The following POLR1A variants were observed in gnomAD, a reference collection of about 807,000 sequenced individuals.
The protein encoded by POLR1A is RNA polymerase I subunit A.
Under a neutral mutation model 205.3 loss-of-function variants are expected in POLR1A, and 84 were observed. The ratio of observed to expected loss-of-function variants is 0.41; its 90% CI spans 0.34 to 0.49. The LOEUF is 0.49. Ranked by LOEUF, POLR1A falls within the 20% of genes least tolerant of loss-of-function variation. The pLI is 0.22. For missense variants in POLR1A, 1,645 were observed against 2,204.5 expected (o/e 0.75, Z 5.08); for synonymous variants, 799 against 863.7 (o/e 0.93, Z 1.31).
In POLR1A at chr2:86,028,369, C is replaced by G. The variant is rs562474036; in HGVS notation, c.4897+225G>C. Among the ~76,000 whole-genome samples, 292 of 152,326 alleles carry G rather than the reference C, an allele frequency of 1.9e-3. 2 individuals carry two copies. The highest frequency in any genetic ancestry group is 6.8e-3 in the African/African-American group (284 of 41,574). ...TCAATCAGGAGCTTTCTCTAAGGCA[C>G]CAGCAGATGAGACACCACTGAAGCG... is the stretch of plus-strand genomic sequence containing the variant. On this transcript the variant is annotated intron_variant, in intron 32 of 33. Coordinates refer to ENST00000263857, the MANE Select transcript of POLR1A (RefSeq NM_015425.6). The surrounding 1 kb of genome is among the most constrained non-coding windows in gnomAD (Gnocchi z 4.5).
At chr2:86,056,429 GT>G (rs1461577612) in intron 14 of POLR1A, among the ~76,000 whole-genome samples, 1 of 151,766 alleles carries the variant, frequency 6.6e-6, no homozygotes, top group African/African-American at 2.4e-5. Context: ...TCCAGCCTGG[GT>G]GACAGAGCGA....
intron 31 of POLR1A, 47 bp downstream of exon 31, chr2:86,030,149 G>T: frequency 6.7e-7 from 1 of 1,491,946 alleles, no homozygotes; most frequent in Non-Finnish European, 9.4e-7. Context: ...GACAACGTGG[G>T]GTGAGGACTA....
intron 1 of POLR1A, among the ~76,000 whole-genome samples, chr2:86,100,966 TGG>T (rs772966939): frequency 4.6e-5 from 7 of 152,136 alleles, no homozygotes; most frequent in Non-Finnish European, 8.8e-5. Flanking sequence ...AAACAGAATG[TGG>T]GGGAGGCAGG....
chr2:86,041,793 C>G, intron 24 of POLR1A, 96 bp downstream of exon 24: 2 of 1,059,416 alleles, frequency 1.9e-6, no homozygotes, highest in Non-Finnish European at 1.4e-6. Flanking sequence ...ACCCAGGAGG[C>G]AGCCCTCTTC....
rs974750094 is a variant in POLR1A, at chr2:86,049,164, G to A, written c.2471C>T (p.Pro824Leu). 6.2e-7 allele frequency: 1 copy of A among 1,613,356 alleles called. No individual in the cohort carries two copies. The highest frequency in any genetic ancestry group is 1.3e-5 in the African/African-American group (1 of 75,024). Residue 824 changes from proline to leucine, a missense_variant, in exon 17 of 34, where the codon CCC becomes CTC. Around this residue, in one of 16 missense-constraint regions of POLR1A, gnomAD observed 339 missense variants for 415.1 expected, o/e 0.82. Transcript: ENST00000263857. ...RIIEESTHCG[P>L]QAVRAALNLP... is the part of the protein sequence containing the mutation. ...GGCCTCGAAGTCCCTCCTTACCTGG[G>A]GCCCGCAGTGGGTGGATTCTTCAAT...
intron 14 of POLR1A, among the ~76,000 whole-genome samples, chr2:86,060,122 T>C (rs1160844373): frequency 1.3e-5 from 2 of 152,198 alleles, no homozygotes; most frequent in Non-Finnish European, 2.9e-5. Flanking sequence ...ACCATAGCAG[T>C]ATCCAGGAGT....
rs1183679168 is a variant in POLR1A at position 86,070,147 on chromosome 2, A to G, written c.1737T>C (p.Tyr579=). The G allele has an allele frequency of 6.2e-6, 10 of 1,614,232 alleles. No individual in the cohort carries two copies. Among genetic ancestry groups the G allele is most frequent in the East Asian group, 2.2e-5 (1 of 44,884 alleles). ...CGGCATTATAGGCCTTGCAGTTGGCATAGTGGAGCCGCAGCACTTTCTCTT... is the reference window on the plus strand; with the variant it reads ...CGGCATTATAGGCCTTGCAGTTGGCGTAGTGGAGCCGCAGCACTTTCTCTT... The part of the protein sequence containing the change: ...LPEEKVLRLH[Y]ANCKAYNADF... The change falls in exon 13 of 34, where the codon TAT becomes TAC. Residue 579 remains tyrosine, a synonymous_variant. Transcript: ENST00000263857. This position sits in a 1 kb window ranked among gnomAD's most constrained non-coding sequence, Gnocchi z 4.4.
rs1240487579 is a variant in POLR1A, at chr2:86,075,222, G to T, written c.1419C>A (p.Thr473=). Residue 473 remains threonine, a synonymous_variant, in exon 12 of 34, where the codon ACC becomes ACA. Coordinates refer to ENST00000263857, the MANE Select transcript of POLR1A (RefSeq NM_015425.6). The stretch of plus-strand genomic sequence containing the variant: ...GCCTAAGTTCCTGAACATTCCATGG[G>T]GTAACTGGCTGTGGGTAGGTCAGTT... ...ATKLTYPQPV[T]PWNVQELRQA... is the part of the protein sequence containing the mutation. 1 of 1,611,528 alleles carries T rather than the reference G, an allele frequency of 6.2e-7. No individual in the cohort carries two copies. Among genetic ancestry groups the T allele is most frequent in the Non-Finnish European group, 8.5e-7 (1 of 1,178,668 alleles).
In POLR1A at chr2:86,105,867, A is replaced by G. The variant is rs1174985832; in HGVS notation, c.-91T>C. The G allele has an allele frequency of 5.1e-6, 6 of 1,168,166 alleles. No homozygotes were observed. In the African/African-American group the frequency reaches 7.6e-5, roughly 15 times the overall value. The allele number at this position is 1,168,166 out of a possible 1,614,324, so 72.4% of individuals were successfully genotyped here. ...ATTCAACCTCAAGCCCGGAGTCACC[A>G]CGCGATTCAACGTGCGCTTGCGCGC... is the stretch of plus-strand genomic sequence containing the variant. On this transcript the variant is annotated 5_prime_UTR_variant, in exon 1 of 34. Transcript: ENST00000263857.
At chr2:86,080,050 C>T (rs1247682190) in intron 9 of POLR1A, among the ~76,000 whole-genome samples, 3 of 152,172 alleles carry the variant, frequency 2.0e-5, no homozygotes, top group African/African-American at 2.4e-5. Context: ...GTGTAACCTG[C>T]ACCATAAGTG....
At chr2:86,043,673 A>G (rs1672658243) in intron 22 of POLR1A, among the ~76,000 whole-genome samples, 2 of 152,232 alleles carry the variant, frequency 1.3e-5, no homozygotes, top group South Asian at 4.1e-4. Flanking sequence ...GGTCACTACA[A>G]GGGCATTAAG....
Position 86,075,182 on chromosome 2 carries a change from C to A in POLR1A, c.1459G>T (p.Gly487Cys). 1 of 1,613,318 alleles carries A rather than the reference C, an allele frequency of 6.2e-7. No individual in the cohort carries two copies. The highest frequency in any genetic ancestry group is 8.5e-7 in the Non-Finnish European group (1 of 1,179,702). The change falls in exon 12 of 34, where the codon GGC (glycine) becomes TGC (cysteine). Residue 487 changes from glycine to cysteine, a missense_variant. Coordinates refer to ENST00000263857, the MANE Select transcript of POLR1A (RefSeq NM_015425.6). ...VQELRQAVIN[G>C]PNVHPGASMV... is the part of the protein sequence containing the mutation. ...GAGGCTCCTGGGTGCACATTAGGGC[C>A]GTTGATGACCGCTTGCCTAAGTTCC... is the stretch of plus-strand genomic sequence containing the variant.
At chr2:86,061,434 T>C (rs568245135) in intron 14 of POLR1A, among the ~76,000 whole-genome samples, 10 of 152,284 alleles carry the variant, frequency 6.6e-5, no homozygotes, top group African/African-American at 2.4e-4. Flanking sequence ...TAGAAGTGTG[T>C]ATTATTACAA....
intron 21 of POLR1A, 92 bp from the exon 22 acceptor site, chr2:86,044,396 A>AG (rs1190900626): frequency 4.4e-6 from 6 of 1,378,474 alleles, no homozygotes; most frequent in Admixed American, 1.8e-5. Flanking sequence ...GGGGAGGGAA[A>AG]GGGGGGCTCC....
chr2:86,091,496 G>A (rs1037470324), intron 3 of POLR1A, among the ~76,000 whole-genome samples: 1 of 152,148 alleles, frequency 6.6e-6, no homozygotes, highest in African/African-American at 2.4e-5. Context: ...GGAAAGGAGG[G>A]AGGGTTTTTG....
rs1467729081 is a variant in POLR1A, at chr2:86,021,751, A to G, written c.*5672T>C. On this transcript the variant is annotated 3_prime_UTR_variant, in exon 34 of 34. Coordinates refer to ENST00000263857, the MANE Select transcript of POLR1A (RefSeq NM_015425.6). ...CACAGTGGAGATCAAGGTTGGATGG[A>G]TGCAGCATGGGGGAGGGAATGGTGA... 6.6e-6 allele frequency: 1 copy of G among 152,258 alleles called. No homozygotes were observed. The highest frequency in any genetic ancestry group is 1.5e-5 in the Non-Finnish European group (1 of 68,102). 9.4% of individuals were successfully genotyped at this position (152,258 alleles called of 1,614,324 possible).
At chr2:86,061,314 G>C (rs540039080) in intron 14 of POLR1A, among the ~76,000 whole-genome samples, 106 of 152,156 alleles carry the variant, frequency 7.0e-4, no homozygotes, top group Non-Finnish European at 7.2e-4. Context: ...AGGTGTGGTG[G>C]AGCACATCTG....
chr2:86,039,298 G>C (rs774108810), intron 26 of POLR1A, 29 bp downstream of exon 26: 7 of 1,611,964 alleles, frequency 4.3e-6, no homozygotes, highest in Non-Finnish European at 5.9e-6. Context: ...CCTTCACCCC[G>C]TCTGCAACCT....
chr2:86,035,512 G>A (rs1005910620), intron 27 of POLR1A, among the ~76,000 whole-genome samples: 2 of 152,170 alleles, frequency 1.3e-5, no homozygotes, highest in Non-Finnish European at 2.9e-5. Flanking sequence ...AGGCGGAGTG[G>A]GGGTGCGGGG....
Sources: allele counts gnomAD v4.1 joint callset (sites outside exome capture counted in the v4.1 genomes callset), GRCh38; gene constraint gnomAD v4.1.1; regional missense constraint gnomAD v4.1.1; non-coding constraint Gnocchi (gnomAD v3.1); transcripts MANE v1.5; gene names NCBI Gene and HGNC (gene_info 2026-07-23, HGNC 2026-07-21).